Variants in ZNF853 observed in about 807,000 individuals in gnomAD.
ZNF853 encodes zinc finger protein 853.
Under a neutral mutation model 94.7 loss-of-function variants are expected in ZNF853, and 57 were observed. The ratio of observed to expected loss-of-function variants is 0.60; its 90% CI spans 0.49 to 0.75. The LOEUF (loss-of-function observed/expected upper bound fraction) is 0.75. ZNF853 is among the 30% of genes least tolerant of loss of function. The pLI is 0.00. For synonymous variants in ZNF853, 448 were observed against 406.3 expected, an observed-to-expected ratio of 1.10 and a Z score of -1.23; for missense variants, 785 against 868.9, an observed-to-expected ratio of 0.90 and a Z score of 1.21.
chr7:6,617,863 C>A, intron 2 of ZNF853, among the ~76,000 whole-genome samples: 1 of 152,120 alleles, frequency 6.6e-6, no homozygotes, highest in Non-Finnish European at 1.5e-5. Context: ...CTGGGCAAAC[C>A]TTCTCTGGTG....
rs1157351541 is a variant in ZNF853, at chr7:6,621,923, C to A, written c.932C>A (p.Pro311His). The A allele has an allele frequency of 2.3e-5, 36 of 1,551,202 alleles. No individual in the cohort carries two copies. Among genetic ancestry groups the A allele is most frequent in the Non-Finnish European group, 3.1e-5 (35 of 1,146,938 alleles). Reference protein sequence around the residue: ...QLQQQQLQPPPLEPEEEEEVE... With the variant: ...QLQQQQLQPPHLEPEEEEEVE... ...CAGCAGCAACAACTGCAGCCTCCTC[C>A]CCTGGAGCCCGAGGAGGAGGAAGAG... Residue 311 changes from proline to histidine, a missense_variant, in exon 3 of 3, where the codon CCC becomes CAC. Transcript: ENST00000457543.
At position 6,624,038 on chromosome 7, in the gene ZNF853, A is replaced by G. The variant is rs1430892881; in HGVS notation, c.*1067A>G. The G allele has an allele frequency of 6.6e-6, 1 of 152,220 alleles. No homozygotes were observed. The highest frequency in any genetic ancestry group is 2.4e-5 in the African/African-American group (1 of 41,456). 9.4% of individuals were successfully genotyped at this position (152,220 alleles called of 1,614,324 possible). On this transcript the variant is annotated 3_prime_UTR_variant, in exon 3 of 3. Coordinates refer to ENST00000457543, the MANE Select transcript of ZNF853 (RefSeq NM_017560.3). ...GCAATGCTCTTTACCACGTTCACCA[A>G]GTCGTCTGGGGCAGGGGTTGTGAGC...
chr7:6,618,571 G>A lies in ZNF853; in HGVS notation c.130+1264G>A. Among the ~76,000 whole-genome samples, 5 of 152,208 alleles carry A rather than the reference G, an allele frequency of 3.3e-5. No homozygotes were observed. The East Asian group carries it at 9.6e-4, about 29-fold the overall frequency. On this transcript the variant is annotated intron_variant, in intron 2 of 2. Coordinates refer to ENST00000457543, the MANE Select transcript of ZNF853 (RefSeq NM_017560.3). ...AAAAAGTTTAAAAAATTAGCTAGGCGTGGTGTTGTGTACCTATAGTCCCAG... is the reference window on the plus strand; with the variant it reads ...AAAAAGTTTAAAAAATTAGCTAGGCATGGTGTTGTGTACCTATAGTCCCAG...
chr7:6,619,913 C>T, intron 2 of ZNF853, among the ~76,000 whole-genome samples: 25 of 152,228 alleles, frequency 1.6e-4, no homozygotes, highest in African/African-American at 5.5e-4. Flanking sequence ...CCACCACGCC[C>T]AGCCTAGTTA....
chr7:6,621,494 A>C lies in ZNF853; in HGVS notation c.503A>C (p.Gln168Pro). 1 of 1,551,822 alleles carries C rather than the reference A, an allele frequency of 6.4e-7. No individual in the cohort carries two copies. Among genetic ancestry groups the C allele is most frequent in the Non-Finnish European group, 8.7e-7 (1 of 1,147,006 alleles). The stretch of plus-strand genomic sequence containing the variant: ...CAGCCACAGCAAGTGCAAGAGCAAC[A>C]GCGGTTGCAGCAGCAGCAGGAGCAG... ...QLQPQQVQEQ[Q>P]RLQQQQEQLQ... The change falls in exon 3 of 3, where the codon CAG (glutamine) becomes CCG (proline). Residue 168 changes from glutamine (Q) to proline (P), a missense_variant. By Grantham distance (76) the Gln-to-Pro change is moderately conservative. Transcript: ENST00000457543.
At position 6,622,976 on chromosome 7, in the gene ZNF853, C is replaced by T; in HGVS notation, c.*5C>T. On this transcript the variant is annotated 3_prime_UTR_variant, in exon 3 of 3. Transcript: ENST00000457543. ...CCCGCAGACAAGGCGCTGTGAGGGC[C>T]GTGATCGGGGCTGCCTGGCCGGGAG... is the stretch of plus-strand genomic sequence containing the variant. 8.0e-7 allele frequency: 1 copy of T among 1,247,918 alleles called. No individual in the cohort carries two copies. The highest frequency in any genetic ancestry group is 1.0e-6 in the Non-Finnish European group (1 of 997,724). The allele number at this position is 1,247,918 out of a possible 1,614,324, so 77.3% of individuals were successfully genotyped here.
rs1782686218 is a variant in ZNF853 at position 6,623,532 on chromosome 7, A to G, written c.*561A>G. 3 of 394,692 alleles carry G rather than the reference A, an allele frequency of 7.6e-6. No homozygotes were observed. Among genetic ancestry groups the G allele is most frequent in the South Asian group, 1.4e-4 (1 of 6,980 alleles). 24.4% of individuals were successfully genotyped at this position (394,692 alleles called of 1,614,324 possible). ...AAGATGAAAATTCATCAGGGTGGGT[A>G]TAATTCTGATGAAAACGCCTGTGTT... On this transcript the variant is annotated 3_prime_UTR_variant, in exon 3 of 3. Transcript: ENST00000457543.
rs1782648230 is a variant in ZNF853 at position 6,622,414 on chromosome 7, C to T, written c.1423C>T (p.Arg475Trp). 1.4e-6 allele frequency: 2 copies of T among 1,394,814 alleles called. No individual in the cohort carries two copies. The highest frequency in any genetic ancestry group is 1.5e-5 in the African/African-American group (1 of 64,680). 86.4% of individuals were successfully genotyped at this position (1,394,814 alleles called of 1,614,324 possible). The change falls in exon 3 of 3, where the codon CGG becomes TGG. Residue 475 changes from arginine to tryptophan, a missense_variant. Transcript: ENST00000457543. ...CGCGGCGTTGACCCCTGCACGGCAG[C>T]GGCGGCGGCGGCGCGCTCGGGACCG... ...GSAALTPARQ[R>W]RRRRARDRPT...
chr7:6,620,975 A>C, intron 2 of ZNF853, 147 bp from the exon 3 acceptor site: 1 of 999,082 alleles, frequency 1.0e-6, no homozygotes, highest in Non-Finnish European at 1.4e-6. Context: ...CTGGGCTGCT[A>C]TTGTTACTCG....
At chr7:6,619,153 C>CTGCA in intron 2 of ZNF853, among the ~76,000 whole-genome samples, 2 of 151,102 alleles carry the variant, frequency 1.3e-5, no homozygotes. Flanking sequence ...AGTTCTCCTG[C>CTGCA]TGCAGCCTCC....
rs1782655257 is a variant in ZNF853 at position 6,622,614 on chromosome 7, C to T, written c.1623C>T (p.Tyr541=). ...GCATCCACACGGGCGAGAAACCCTA[C>T]GCCTGCTCCTACTGCGCCAAGCGCT... is the stretch of plus-strand genomic sequence containing the variant. The part of the protein sequence containing the change: ...HQRIHTGEKP[Y]ACSYCAKRFS... The change falls in exon 3 of 3, where the codon TAC becomes TAT. Residue 541 remains tyrosine (Y), a synonymous_variant. Coordinates refer to ENST00000457543, the MANE Select transcript of ZNF853 (RefSeq NM_017560.3). 3.8e-6 allele frequency: 6 copies of T among 1,581,942 alleles called. No individual in the cohort carries two copies. The South Asian group carries it at 4.6e-5, about 12-fold the overall frequency.
Position 6,622,861 on chromosome 7 carries a change from C to T in ZNF853, c.1870C>T (p.Arg624Cys). ...RHERQLHGAG[R>C]SRGLGLLRAS... Reference sequence around the variant, plus strand: ...CGAGCGCCAGCTGCACGGCGCGGGCCGCTCCAGGGGCCTCGGCCTGCTGCG... The same window carrying T: ...CGAGCGCCAGCTGCACGGCGCGGGCTGCTCCAGGGGCCTCGGCCTGCTGCG... Residue 624 changes from arginine (R) to cysteine (C), a missense_variant, in exon 3 of 3, where the codon CGC (arginine) becomes TGC (cysteine). Transcript: ENST00000457543. The T allele has an allele frequency of 6.9e-7, 1 of 1,458,486 alleles. No individual in the cohort carries two copies. Among genetic ancestry groups the T allele is most frequent in the Non-Finnish European group, 9.0e-7 (1 of 1,109,984 alleles). 90.3% of individuals were successfully genotyped at this position (1,458,486 alleles called of 1,614,324 possible).
In ZNF853 at chr7:6,622,909, G is replaced by T. The variant is rs1186130015; in HGVS notation, c.1918G>T (p.Gly640Cys). 1.6e-6 allele frequency: 2 copies of T among 1,250,256 alleles called. No homozygotes were observed. Among genetic ancestry groups the T allele is most frequent in the East Asian group, 3.3e-5 (1 of 30,172 alleles). 77.4% of individuals were successfully genotyped at this position (1,250,256 alleles called of 1,614,324 possible). ...GCGCGCCTCGCGGCCGGCGGCCCTC[G>T]GTGGCCCAGCCCGCGCGGAGCAGGC... ...LLRASRPAAL[G>C]GPARAEQAAT... The change falls in exon 3 of 3, where the codon GGT (glycine) becomes TGT (cysteine). Residue 640 changes from glycine to cysteine, a missense_variant. Physicochemically the swap from Gly to Cys is radical, Grantham distance 159 (BLOSUM62 -3). Transcript: ENST00000457543.
Position 6,617,229 on chromosome 7 carries a change from G to C in ZNF853, c.52G>C (p.Val18Leu). The change falls in exon 2 of 3, where the codon GTG becomes CTG. Residue 18 changes from valine (V) to leucine (L), a missense_variant. By Grantham distance (32) the Val-to-Leu change is conservative (BLOSUM62 1). Transcript: ENST00000457543. ...TCGGGGTCTGACCGCCAGGATGGAA[G>C]TGGGGCCAGCCACCGAGACCTTCGT... ...GNRGLTARME[V>L]GPATETFVLE... 6.5e-7 allele frequency: 1 copy of C among 1,536,162 alleles called. No individual in the cohort carries two copies. Among genetic ancestry groups the C allele is most frequent in the Non-Finnish European group, 8.8e-7 (1 of 1,139,882 alleles).
In ZNF853 at chr7:6,616,017, C is replaced by G. The variant is rs1455318703; in HGVS notation, c.-158C>G. On this transcript the variant is annotated 5_prime_UTR_variant, in exon 1 of 3. Transcript: ENST00000457543. ...CTCGGCAGCCCAGAGGGCGTGGACC[C>G]TCCGGAGTGCCCAGAAAGCCCCCGG... The G allele has an allele frequency of 3.2e-6, 2 of 627,196 alleles. No individual in the cohort carries two copies. The highest frequency in any genetic ancestry group is 5.5e-6 in the Non-Finnish European group (2 of 363,098). 38.9% of individuals were successfully genotyped at this position (627,196 alleles called of 1,614,324 possible). A position where few individuals can be genotyped will look rare whatever the true frequency, so the allele number is the denominator to read the frequency against.
intron 2 of ZNF853, chr7:6,617,517 T>C: frequency 1.1e-6 from 1 of 890,290 alleles, no homozygotes; most frequent in South Asian, 5.1e-5. Context: ...GCTCCCCACA[T>C]GGGTGCTGAC....
rs1356139397 is a variant in ZNF853 at position 6,622,682 on chromosome 7, C to G, written c.1691C>G (p.Thr564Ser). The G allele has an allele frequency of 2.5e-6, 4 of 1,578,576 alleles. No individual in the cohort carries two copies. Among genetic ancestry groups the G allele is most frequent in the South Asian group, 1.1e-5 (1 of 87,178 alleles). Residue 564 changes from threonine to serine, a missense_variant, in exon 3 of 3, where the codon ACC becomes AGC. Transcript: ENST00000457543. ...SALVQHQRTH[T>S]GERPYACGDC... is the part of the protein sequence containing the mutation. ...CTCGTGCAGCACCAGCGCACGCACA[C>G]CGGGGAGCGACCCTACGCCTGCGGG...
chr7:6,619,417 G>T, intron 2 of ZNF853, among the ~76,000 whole-genome samples: 1 of 151,954 alleles, frequency 6.6e-6, no homozygotes, highest in Non-Finnish European at 1.5e-5. Flanking sequence ...GACTACAGGC[G>T]CACACCACCA....
chr7:6,620,011 G>A, intron 2 of ZNF853, among the ~76,000 whole-genome samples: 1 of 152,194 alleles, frequency 6.6e-6, no homozygotes, highest in Admixed American at 6.5e-5. Context: ...CTAACCTTCA[G>A]AGAGAGGGAA....
Sources: allele counts gnomAD v4.1 joint callset (sites outside exome capture counted in the v4.1 genomes callset), GRCh38; gene constraint gnomAD v4.1.1; transcripts MANE v1.5; gene names NCBI Gene and HGNC (gene_info 2026-07-23, HGNC 2026-07-21).